The following CIAO2B variants were observed in gnomAD, a reference collection of about 807,000 sequenced individuals.
CIAO2B encodes cytosolic iron-sulfur assembly component 2B.
In CIAO2B, 20 loss-of-function variants were observed where a neutral mutation model predicts 16.4. The observed-to-expected ratio is 1.22, with a 90% CI of 0.86 to 1.77. The LOEUF (loss-of-function observed/expected upper bound fraction) is 1.77. Ranked by LOEUF, CIAO2B falls within the 40% of genes most tolerant of loss-of-function variation. The probability of loss-of-function intolerance (pLI) is 0.00; values close to 1 mark genes in which losing one functional copy is unlikely to be tolerated. For synonymous variants in CIAO2B, 106 were observed against 90.4 expected, an observed-to-expected ratio of 1.17 and a Z score of -0.98; for missense variants, 215 against 222.4, an observed-to-expected ratio of 0.97 and a Z score of 0.21.
In CIAO2B at chr16:66,934,396, G is replaced by T; in HGVS notation, c.-32C>A. The T allele has an allele frequency of 6.7e-7, 1 of 1,486,718 alleles. No individual in the cohort carries two copies. The highest frequency in any genetic ancestry group is 8.9e-7 in the Non-Finnish European group (1 of 1,123,338). 92.1% of individuals were successfully genotyped at this position (1,486,718 alleles called of 1,614,324 possible). A position where few individuals can be genotyped will look rare whatever the true frequency, so the allele number is the denominator to read the frequency against. The stretch of plus-strand genomic sequence containing the variant: ...ACCACCACCGCTGATCCTAGCAGGC[G>T]TGCGCTTCCGCTCCAACCCGCGCAC... On this transcript the variant is annotated 5_prime_UTR_variant, in exon 1 of 5. Coordinates refer to ENST00000422424, the MANE Select transcript of CIAO2B (RefSeq NM_016062.4). This position sits in a 1 kb window ranked among gnomAD's most constrained non-coding sequence, Gnocchi z 4.1.
intron 4 of CIAO2B, chr16:66,932,524 G>A (rs776698233): frequency 7.0e-6 from 5 of 717,806 alleles, no homozygotes; most frequent in South Asian, 3.0e-5. Context: ...TGCCTCCTGC[G>A]CTGCTGAAGC....
Position 66,934,342 on chromosome 16 carries a change from C to G in CIAO2B, c.23G>C (p.Gly8Ala). ...GTTGGCATTCTCCAGGAGGCCGCCG[C>G]CGACCCCGCCGCCGCCTACCATCGC... MVGGGGV[G>A]GGLLENANPL... The change falls in exon 1 of 5, where the codon GGC becomes GCC. Residue 8 changes from glycine (G) to alanine (A), a missense_variant. Physicochemically the swap from Gly to Ala is moderately conservative, Grantham distance 60. Coordinates refer to ENST00000422424, the MANE Select transcript of CIAO2B (RefSeq NM_016062.4). The surrounding 1 kb of genome is among the most constrained non-coding windows in gnomAD (Gnocchi z 4.1). 1 of 1,573,752 alleles carries G rather than the reference C, an allele frequency of 6.4e-7. No individual in the cohort carries two copies. Among genetic ancestry groups the G allele is most frequent in the South Asian group, 1.1e-5 (1 of 87,266 alleles).
intron 3 of CIAO2B, 30 bp from the exon 4 acceptor site, chr16:66,932,855 C>A (rs764563222): frequency 1.9e-6 from 3 of 1,609,124 alleles, no homozygotes; most frequent in African/African-American, 1.3e-5. Flanking sequence ...GGCCTGAACA[C>A]CCACCCACCG....
In CIAO2B at chr16:66,934,234, C is replaced by T. The variant is rs1323028436; in HGVS notation, c.131G>A (p.Arg44His). 1.9e-6 allele frequency: 3 copies of T among 1,609,614 alleles called. No individual in the cohort carries two copies. The highest frequency in any genetic ancestry group is 1.3e-5 in the African/African-American group (1 of 74,918). The change falls in exon 1 of 5, where the codon CGC (arginine) becomes CAC (histidine). Residue 44 changes from arginine to histidine, a missense_variant. Physicochemically the swap from Arg to His is conservative, Grantham distance 29. Coordinates refer to ENST00000422424, the MANE Select transcript of CIAO2B (RefSeq NM_016062.4). The surrounding 1 kb of genome is among the most constrained non-coding windows in gnomAD (Gnocchi z 4.1). ...GCAGCGGCGGATATCGAAGATCTCGCGTGCGTCGATGCTGTCGGGAACCTG... is the reference window on the plus strand; with the variant it reads ...GCAGCGGCGGATATCGAAGATCTCGTGTGCGTCGATGCTGTCGGGAACCTG... The part of the protein sequence containing the change: ...DEQVPDSIDA[R>H]EIFDLIRSIN...
intron 3 of CIAO2B, 102 bp downstream of exon 3, chr16:66,933,512 C>T (rs775414472): frequency 1.6e-4 from 231 of 1,441,600 alleles, no homozygotes; most frequent in Middle Eastern, 4.9e-4. Flanking sequence ...CCTTCCAGGC[C>T]CCACTCTGAT....
chr16:66,934,180 C>T lies in CIAO2B; in HGVS notation c.142+43G>A, dbSNP rs747329200. On this transcript the variant is annotated intron_variant, in intron 1 of 4. Transcript: ENST00000422424. This position sits in a 1 kb window ranked among gnomAD's most constrained non-coding sequence, Gnocchi z 4.1. ...TGCTCGATATCACTGCTCCCCCCAC[C>T]GCAAGCCCCCGGAACCCGCCCGCGC... The T allele has an allele frequency of 6.2e-7, 1 of 1,608,632 alleles. No homozygotes were observed. Among genetic ancestry groups the T allele is most frequent in the Non-Finnish European group, 8.5e-7 (1 of 1,177,592 alleles).
At chr16:66,933,558 C>T (rs1370348322) in intron 3 of CIAO2B, 56 bp downstream of exon 3, 5 of 1,587,140 alleles carry the variant, frequency 3.2e-6, no homozygotes, top group Non-Finnish European at 4.3e-6. Flanking sequence ...AGTCCCCATC[C>T]TCAGCAGTAG....
chr16:66,934,043 G>A lies in CIAO2B; in HGVS notation c.166C>T (p.Pro56Ser). The A allele has an allele frequency of 6.2e-7, 1 of 1,613,698 alleles. No homozygotes were observed. The highest frequency in any genetic ancestry group is 8.5e-7 in the Non-Finnish European group (1 of 1,179,868). Residue 56 changes from proline to serine, a missense_variant, in exon 2 of 5, where the codon CCG (proline) becomes TCG (serine). Coordinates refer to ENST00000422424, the MANE Select transcript of CIAO2B (RefSeq NM_016062.4). This position sits in a 1 kb window ranked among gnomAD's most constrained non-coding sequence, Gnocchi z 4.1. ...TCCTCTAGCGTCAGTGGATGCTCCG[G>A]GTCATTGATGGAGCGAATCAGATGT... ...IFDLIRSIND[P>S]EHPLTLEELN...
At chr16:66,932,335 CAAAG>C in intron 4 of CIAO2B, 35 bp from the exon 5 acceptor site, 2 of 1,567,104 alleles carry the variant, frequency 1.3e-6, no homozygotes, top group Non-Finnish European at 1.8e-6. Flanking sequence ...AAGGCAGAGT[CAAAG>C]CTAGGCTCTG....
chr16:66,934,332 G>T lies in CIAO2B; in HGVS notation c.33C>A (p.Leu11=), dbSNP rs757950623. 1.9e-6 allele frequency: 3 copies of T among 1,589,372 alleles called. No individual in the cohort carries two copies. Among genetic ancestry groups the T allele is most frequent in the Non-Finnish European group, 2.6e-6 (3 of 1,173,398 alleles). The change falls in exon 1 of 5, where the codon CTC becomes CTA. Residue 11 remains leucine (L), a synonymous_variant. Transcript: ENST00000422424. This position sits in a 1 kb window ranked among gnomAD's most constrained non-coding sequence, Gnocchi z 4.1. ...AGATGAGGGGGTTGGCATTCTCCAG[G>T]AGGCCGCCGCCGACCCCGCCGCCGC... MVGGGGVGGG[L]LENANPLIYQ... is the part of the protein sequence containing the mutation.
intron 3 of CIAO2B, 47 bp from the exon 4 acceptor site, chr16:66,932,872 A>G (rs1462480424): frequency 6.3e-7 from 1 of 1,599,838 alleles, no homozygotes; most frequent in African/African-American, 1.3e-5. Context: ...ACCGACCCAC[A>G]CTTTTCCCTG....
intron 3 of CIAO2B, 126 bp from the exon 4 acceptor site, chr16:66,932,951 C>T (rs1273118624): frequency 1.5e-5 from 15 of 991,356 alleles, no homozygotes; most frequent in African/African-American, 3.2e-5. Flanking sequence ...GGACTCTGGC[C>T]CTTCCGTTAC....
rs1180804388 is a variant in CIAO2B, at chr16:66,934,263, G to T, written c.102C>A (p.Asp34Glu). The T allele has an allele frequency of 8.1e-6, 13 of 1,609,096 alleles. No homozygotes were observed. Among genetic ancestry groups the T allele is most frequent in the Non-Finnish European group, 9.3e-6 (11 of 1,179,600 alleles). ...GERPVTAGEE[D>E]EQVPDSIDAR... ...CGTCGATGCTGTCGGGAACCTGCTC[G>T]TCCTCCTCGCCTGCCGTCACAGGCC... The change falls in exon 1 of 5, where the codon GAC (aspartate) becomes GAA (glutamate). Residue 34 changes from aspartate to glutamate, a missense_variant. Asp to Glu is a conservative substitution (Grantham distance 45). Coordinates refer to ENST00000422424, the MANE Select transcript of CIAO2B (RefSeq NM_016062.4). The surrounding 1 kb of genome is among the most constrained non-coding windows in gnomAD (Gnocchi z 4.1).
intron 2 of CIAO2B, 103 bp downstream of exon 2, chr16:66,933,884 A>G: frequency 2.6e-6 from 4 of 1,554,792 alleles, no homozygotes; most frequent in South Asian, 1.2e-5. Flanking sequence ...TCCCTCCCCA[A>G]AGATACCCTT....
In CIAO2B at chr16:66,932,112, T is replaced by C. The variant is rs1248171549; in HGVS notation, c.*91A>G. The C allele has an allele frequency of 4.4e-6, 4 of 913,250 alleles. No individual in the cohort carries two copies. Among genetic ancestry groups the C allele is most frequent in the East Asian group, 2.6e-5 (1 of 37,858 alleles). 56.6% of individuals were successfully genotyped at this position (913,250 alleles called of 1,614,324 possible). The stretch of plus-strand genomic sequence containing the variant: ...CAAAAAGCAAAATGTTAGTTTCTCA[T>C]TGTGAGTGATTCAAGAAAACAACGG... On this transcript the variant is annotated 3_prime_UTR_variant, in exon 5 of 5. Transcript: ENST00000422424.
chr16:66,932,226 G>C lies in CIAO2B; in HGVS notation c.469C>G (p.Gln157Glu), dbSNP rs1447883914. ...GCTCAGGAGCGGGCTGACAGGCACT[G>C]ATTCACAACCTCCAAGAGGTGGGTG... ...ENTHLLEVVN[Q>E]CLSARS Residue 157 changes from glutamine to glutamate, a missense_variant, in exon 5 of 5, where the codon CAG (glutamine) becomes GAG (glutamate). Physicochemically the swap from Gln to Glu is conservative, Grantham distance 29 (BLOSUM62 2). Transcript: ENST00000422424. The C allele has an allele frequency of 6.2e-7, 1 of 1,613,830 alleles. No individual in the cohort carries two copies.
rs772989197 is a variant in CIAO2B at position 66,932,806 on chromosome 16, G to T, written c.368C>A (p.Pro123Gln). ...TGCATGCTCTGAGGCATGGGTCCCC[G>T]GAGTAATGTGCACGTCCATCTGGGA... ...QRFKMDVHIT[P>Q]GTHASEHAVN... Residue 123 changes from proline (P) to glutamine (Q), a missense_variant, in exon 4 of 5, where the codon CCG becomes CAG. Coordinates refer to ENST00000422424, the MANE Select transcript of CIAO2B (RefSeq NM_016062.4). The T allele has an allele frequency of 6.2e-7, 1 of 1,611,906 alleles. No homozygotes were observed. The highest frequency in any genetic ancestry group is 2.2e-5 in the East Asian group (1 of 44,832).
chr16:66,932,841 C>A lies in CIAO2B; in HGVS notation c.349-16G>T, dbSNP rs374065083. Reference sequence around the variant, plus strand: ...GCACGTCCATCTGGGAGGGAGATAACCAGGGCCTGAACACCCACCCACCGA... The same window carrying A: ...GCACGTCCATCTGGGAGGGAGATAAACAGGGCCTGAACACCCACCCACCGA... On this transcript the variant is annotated splice_polypyrimidine_tract_variant and intron_variant, in intron 3 of 4. Transcript: ENST00000422424. The A allele has an allele frequency of 6.2e-7, 1 of 1,611,126 alleles. No homozygotes were observed. The highest frequency in any genetic ancestry group is 1.3e-5 in the African/African-American group (1 of 74,890).
chr16:66,934,291 TC>T lies in CIAO2B; in HGVS notation c.73del (p.Glu25SerfsTer4). The T allele has an allele frequency of 6.2e-7, 1 of 1,608,202 alleles. No homozygotes were observed. ...ANPLIYQRSG[E>X]RPVTAGEEDE... ...CTCCTCGCCTGCCGTCACAGGCCGC[TC>T]CCCAGAGCGCTGGTAGATGAGGGGG... On this transcript the variant is annotated frameshift_variant, in exon 1 of 5. Coordinates refer to ENST00000422424, the MANE Select transcript of CIAO2B (RefSeq NM_016062.4). LOFTEE classifies it high-confidence loss of function. The surrounding 1 kb of genome is among the most constrained non-coding windows in gnomAD (Gnocchi z 4.1).
Sources: allele counts gnomAD v4.1 joint callset, GRCh38; gene constraint gnomAD v4.1.1; non-coding constraint Gnocchi (gnomAD v3.1); transcripts MANE v1.5; gene names NCBI Gene and HGNC (gene_info 2026-07-23, HGNC 2026-07-21).